The following GRID1 variants were observed in gnomAD, a reference collection of about 807,000 sequenced individuals.
GRID1 encodes glutamate receptor ionotropic, delta-1.
GRID1 carries 28 observed loss-of-function variants against 98.0 expected under a neutral mutation model. That is an observed-to-expected ratio of 0.29 (90% CI 0.21 to 0.39). The LOEUF (loss-of-function observed/expected upper bound fraction) is 0.39. Among genes scored for constraint, GRID1 ranks in the 10% least tolerant of loss-of-function variants. The probability of loss-of-function intolerance (pLI) is 1.00; values close to 1 mark genes in which losing one functional copy is unlikely to be tolerated. For missense variants in GRID1, 1,111 were observed against 1,340.5 expected (o/e 0.83, Z 2.67); for synonymous variants, 553 against 538.5 (o/e 1.03, Z -0.37).
chr10:86,263,422 A>G (rs1339147115), intron 2 of GRID1, among the ~76,000 whole-genome samples: 3 of 152,186 alleles, frequency 2.0e-5, no homozygotes, highest in African/African-American at 7.2e-5. Context: ...TCCAGGCCCA[A>G]CGGGACGGTT....
intron 4 of GRID1, among the ~76,000 whole-genome samples, chr10:86,032,688 G>T (rs953770398): frequency 1.3e-5 from 2 of 151,846 alleles, no homozygotes; most frequent in African/African-American, 4.8e-5. Context: ...CAAACACTGC[G>T]GAAGGCCGCA....
intron 3 of GRID1, among the ~76,000 whole-genome samples, chr10:86,175,961 G>C (rs1409789466): frequency 6.6e-6 from 1 of 151,954 alleles, no homozygotes; most frequent in Non-Finnish European, 1.5e-5. Context: ...TGCCTGCCTC[G>C]GCCTCCCAAA....
At chr10:86,070,707 C>T (rs1032987270) in intron 4 of GRID1, among the ~76,000 whole-genome samples, 3 of 152,232 alleles carry the variant, frequency 2.0e-5, no homozygotes, top group African/African-American at 7.2e-5. Context: ...TGCACACATG[C>T]CTACATCCAC....
chr10:85,746,787 A>G (rs1842001356), intron 8 of GRID1, among the ~76,000 whole-genome samples: 1 of 152,136 alleles, frequency 6.6e-6, no homozygotes, highest in Non-Finnish European at 1.5e-5. Context: ...TGCAGAATCT[A>G]TGATATATAA....
chr10:85,912,788 G>A (rs1396856354), intron 5 of GRID1, among the ~76,000 whole-genome samples: 1 of 152,210 alleles, frequency 6.6e-6, no homozygotes, highest in Non-Finnish European at 1.5e-5. Flanking sequence ...GTAAATGCCT[G>A]CCCCTGACTT....
chr10:85,854,507 C>G lies in GRID1; in HGVS notation c.1222G>C (p.Asp408His), dbSNP rs1339728009. ...AGCCTGAGGCTTACCTTGCGCATGT[C>G]TTTGCCAAAAGTCTCACTATAGGTA... ...GTTYSETFGKDMRKLATWDSE... is the reference protein window; with the variant it reads ...GTTYSETFGKHMRKLATWDSE... Residue 408 changes from aspartate (D) to histidine (H), a missense_variant, in exon 8 of 16, where the codon GAC (aspartate) becomes CAC (histidine). Physicochemically the swap from Asp to His is moderately conservative, Grantham distance 81. This residue lies in a region of GRID1 where 762 missense variants were observed against 869.1 expected (regional missense o/e 0.88). Coordinates refer to ENST00000327946, the MANE Select transcript of GRID1 (RefSeq NM_017551.3). The G allele has an allele frequency of 6.2e-7, 1 of 1,613,946 alleles. No homozygotes were observed. The highest frequency in any genetic ancestry group is 1.1e-5 in the South Asian group (1 of 91,074).
At chr10:85,651,911 A>G (rs1337945535) in intron 12 of GRID1, among the ~76,000 whole-genome samples, 1 of 152,150 alleles carries the variant, frequency 6.6e-6, no homozygotes, top group Non-Finnish European at 1.5e-5. Context: ...TTACGTTTAA[A>G]CCAATATCTT....
At chr10:85,898,292 G>A (rs747853474) in intron 5 of GRID1, among the ~76,000 whole-genome samples, 5 of 152,186 alleles carry the variant, frequency 3.3e-5, no homozygotes, top group Non-Finnish European at 5.9e-5. Flanking sequence ...TGCAGAACAG[G>A]AAGTTGCTCT....
chr10:85,795,389 G>A (rs908805048), intron 8 of GRID1, among the ~76,000 whole-genome samples: 17 of 152,120 alleles, frequency 1.1e-4, no homozygotes, highest in African/African-American at 3.9e-4. Flanking sequence ...AGTCTTACAA[G>A]ACGCACCTCA....
intron 4 of GRID1, among the ~76,000 whole-genome samples, chr10:86,068,644 G>A (rs146358614): frequency 2.0e-5 from 3 of 152,306 alleles, no homozygotes; most frequent in South Asian, 2.1e-4. Context: ...TACTGCCAGC[G>A]ACGGTGCCTC....
intron 13 of GRID1, among the ~76,000 whole-genome samples, chr10:85,627,962 CTG>C (rs1462961020): frequency 1.3e-5 from 2 of 152,156 alleles, no homozygotes; most frequent in Non-Finnish European, 2.9e-5. Context: ...GCAACACACT[CTG>C]TGTGAGTAAG....
At chr10:86,131,314 G>A (rs1044513035) in intron 4 of GRID1, among the ~76,000 whole-genome samples, 4 of 152,264 alleles carry the variant, frequency 2.6e-5, no homozygotes, top group South Asian at 2.1e-4. Context: ...GGGGATCCGG[G>A]AGCAGAAAGG....
intron 4 of GRID1, among the ~76,000 whole-genome samples, chr10:85,965,017 C>T (rs906090059): frequency 2.6e-5 from 4 of 152,132 alleles, no homozygotes; most frequent in African/African-American, 7.2e-5. Flanking sequence ...ATTTATGCAG[C>T]CAACAAACAT....
chr10:86,054,621 C>T (rs1843548521), intron 4 of GRID1, among the ~76,000 whole-genome samples: 1 of 152,188 alleles, frequency 6.6e-6, no homozygotes, highest in South Asian at 2.1e-4. Context: ...AAGTGGCTGA[C>T]CCTGTGTCTA....
chr10:85,888,325 G>A (rs1352218969), intron 5 of GRID1, among the ~76,000 whole-genome samples: 1 of 152,136 alleles, frequency 6.6e-6, no homozygotes, highest in Non-Finnish European at 1.5e-5. Flanking sequence ...GCAATCTGCA[G>A]CAGTCTCCTC....
At chr10:85,876,654 C>T (rs980465185) in intron 5 of GRID1, among the ~76,000 whole-genome samples, 3 of 152,262 alleles carry the variant, frequency 2.0e-5, no homozygotes, top group African/African-American at 4.8e-5. Context: ...GGAACAGCTC[C>T]GGTCTACAGC....
At chr10:86,097,639 A>G (rs979043508) in intron 4 of GRID1, among the ~76,000 whole-genome samples, 1 of 151,346 alleles carries the variant, frequency 6.6e-6, no homozygotes, top group Non-Finnish European at 1.5e-5. Flanking sequence ...AATGCCCAGG[A>G]TATATAGCTA....
At chr10:86,209,516 A>G (rs1460952903) in intron 2 of GRID1, among the ~76,000 whole-genome samples, 1 of 152,236 alleles carries the variant, frequency 6.6e-6, no homozygotes, top group African/African-American at 2.4e-5. Context: ...CAGGGCACAA[A>G]ATTATATGCT....
chr10:86,032,623 G>T (rs1843202902), intron 4 of GRID1, among the ~76,000 whole-genome samples: 1 of 151,908 alleles, frequency 6.6e-6, no homozygotes, highest in Non-Finnish European at 1.5e-5. Context: ...ATGCTTCAAG[G>T]CAGCATGCTC....
Sources: allele counts gnomAD v4.1 joint callset (sites outside exome capture counted in the v4.1 genomes callset), GRCh38; gene constraint gnomAD v4.1.1; regional missense constraint gnomAD v4.1.1; transcripts MANE v1.5; gene names NCBI Gene and HGNC (gene_info 2026-07-23, HGNC 2026-07-21).